Variants in MYO1B observed in about 807,000 individuals in gnomAD.
MYO1B encodes myosin IB.
In MYO1B, 72 loss-of-function variants were observed where a neutral mutation model predicts 159.7. That is an observed-to-expected ratio of 0.45 (90% CI 0.37 to 0.55). The LOEUF (loss-of-function observed/expected upper bound fraction) is 0.55, where lower values mean the gene tolerates loss of function less well. Ranked by LOEUF, MYO1B falls within the 20% of genes least tolerant of loss-of-function variation. The probability of loss-of-function intolerance (pLI) is 0.00; values close to 1 mark genes in which losing one functional copy is unlikely to be tolerated. For synonymous variants in MYO1B, 468 were observed against 473.8 expected (o/e 0.99, Z 0.16); for missense variants, 1,062 against 1,364.8 (o/e 0.78, Z 3.50).
chr2:191,256,703 A>G (rs908195765), intron 1 of MYO1B, among the ~76,000 whole-genome samples: 7 of 152,226 alleles, frequency 4.6e-5, no homozygotes, highest in Non-Finnish European at 8.8e-5. Context: ...TACTAATAAT[A>G]TAATAAAATT....
intron 3 of MYO1B, among the ~76,000 whole-genome samples, chr2:191,298,371 T>G (rs1292782157): frequency 1.3e-5 from 2 of 152,220 alleles, no homozygotes; most frequent in Non-Finnish European, 1.5e-5. Flanking sequence ...TAAGCCCCTG[T>G]GATGAAATAC....
intron 11 of MYO1B, among the ~76,000 whole-genome samples, chr2:191,368,642 A>G (rs1192784744): frequency 2.0e-5 from 3 of 152,160 alleles, no homozygotes; most frequent in African/African-American, 4.8e-5. Context: ...TCTATAACTT[A>G]AAAGAACTCA....
At position 191,393,984 on chromosome 2, in the gene MYO1B, A is replaced by G. The variant is rs1221346949; in HGVS notation, c.2226+762A>G. 3.3e-5 allele frequency among the ~76,000 whole-genome samples: 5 copies of G among 152,204 alleles called. No individual in the cohort carries two copies. The East Asian group carries it at 5.8e-4, about 18-fold the overall frequency. On this transcript the variant is annotated intron_variant, in intron 20 of 30. Coordinates refer to ENST00000392318, the MANE Select transcript of MYO1B (RefSeq NM_001130158.3). ...TATTCTTCCTCTTTTTCAGCCATAA[A>G]GAGACTTTGCTATAGGGCTGTATAT...
At chr2:191,264,520 A>G (rs901953742) in intron 1 of MYO1B, among the ~76,000 whole-genome samples, 1 of 151,276 alleles carries the variant, frequency 6.6e-6, no homozygotes, top group Non-Finnish European at 1.5e-5. Context: ...GTGAATTTTT[A>G]AAAGTAGCCA....
At chr2:191,386,179 T>A in intron 16 of MYO1B, 95 bp downstream of exon 16, 2 of 1,150,308 alleles carry the variant, frequency 1.7e-6, no homozygotes, top group Non-Finnish European at 1.3e-6. Context: ...CCCATTAACT[T>A]GTGAGGACAA....
At chr2:191,331,996 C>G (rs1242897257) in intron 4 of MYO1B, among the ~76,000 whole-genome samples, 1 of 152,216 alleles carries the variant, frequency 6.6e-6, no homozygotes, top group African/African-American at 2.4e-5. Flanking sequence ...GAGTCTCGCT[C>G]TTATAGCCCT....
At chr2:191,360,838 C>T in intron 8 of MYO1B, 109 bp downstream of exon 8, 1 of 713,906 alleles carries the variant, frequency 1.4e-6, no homozygotes, top group East Asian at 2.6e-5. Flanking sequence ...AATTCCTGAG[C>T]TCAAGCGATT....
chr2:191,304,425 C>T (rs569294337), intron 3 of MYO1B, among the ~76,000 whole-genome samples: 12 of 152,220 alleles, frequency 7.9e-5, no homozygotes, highest in African/African-American at 2.9e-4. Flanking sequence ...ACAAAATTAG[C>T]CTGGCGTAGT....
At chr2:191,289,872 T>C (rs1024245531) in intron 2 of MYO1B, among the ~76,000 whole-genome samples, 2 of 152,236 alleles carry the variant, frequency 1.3e-5, no homozygotes, top group Non-Finnish European at 2.9e-5. Flanking sequence ...TCTGACTTTT[T>C]AGAAGAAGTT....
intron 29 of MYO1B, among the ~76,000 whole-genome samples, chr2:191,415,127 C>T (rs12619367): frequency 0.1 from 15,505 of 152,218 alleles, 1,562 homozygotes; most frequent in African/African-American, 0.25. Context: ...GTTGGTCTCA[C>T]TCACTTTATG....
chr2:191,397,798 T>TG (rs1315249246), intron 21 of MYO1B, among the ~76,000 whole-genome samples: 1 of 141,154 alleles, frequency 7.1e-6, no homozygotes, highest in Non-Finnish European at 1.6e-5. Flanking sequence ...ACCTCCCGGA[T>TG]GGGGCGTCTG....
chr2:191,328,103 C>T (rs1162501885), intron 3 of MYO1B, among the ~76,000 whole-genome samples: 6 of 152,206 alleles, frequency 3.9e-5, no homozygotes, highest in African/African-American at 1.4e-4. Context: ...ATGGGCTTCT[C>T]ATGTCATCTC....
chr2:191,407,475 G>A (rs1696994255), intron 24 of MYO1B, among the ~76,000 whole-genome samples: 1 of 152,050 alleles, frequency 6.6e-6, no homozygotes, highest in Admixed American at 6.6e-5. Flanking sequence ...TTATTTGTTA[G>A]ACATTAGTAT....
chr2:191,355,164 A>G (rs1693190250), intron 7 of MYO1B, among the ~76,000 whole-genome samples: 1 of 152,222 alleles, frequency 6.6e-6, no homozygotes, highest in Admixed American at 6.5e-5. Flanking sequence ...GGAGAGACAC[A>G]TGGAATGAAC....
At position 191,343,062 on chromosome 2, in the gene MYO1B, A is replaced by G. The variant is rs74410153; in HGVS notation, c.451+1497A>G. 6.9e-3 allele frequency among the ~76,000 whole-genome samples: 1,045 copies of G among 152,232 alleles called. 31 individuals carry two copies. In the East Asian group the frequency reaches 0.092, roughly 13 times the overall value. On this transcript the variant is annotated intron_variant, in intron 5 of 30. Coordinates refer to ENST00000392318, the MANE Select transcript of MYO1B (RefSeq NM_001130158.3). ...CATTGTAGGATGGCCTGTCCTGTGC[A>G]TCTCTGACCTCTGTTAGCTGCCAGT...
At chr2:191,313,579 T>A (rs1391565863) in intron 3 of MYO1B, among the ~76,000 whole-genome samples, 1 of 151,762 alleles carries the variant, frequency 6.6e-6, no homozygotes, top group East Asian at 1.9e-4. Flanking sequence ...AGAGACGGGC[T>A]TTCACCGTGT....
chr2:191,288,063 G>A (rs2168166), intron 2 of MYO1B, among the ~76,000 whole-genome samples: 57,641 of 151,668 alleles, frequency 0.38, 11,146 homozygotes, highest in Middle Eastern at 0.52. Flanking sequence ...AGGCTGAACA[G>A]TGTTCCATTG....
intron 4 of MYO1B, among the ~76,000 whole-genome samples, chr2:191,330,675 A>G (rs960306974): frequency 6.6e-6 from 1 of 152,182 alleles, no homozygotes; most frequent in Admixed American, 6.5e-5. Flanking sequence ...CATTCTCTGA[A>G]TTCAACCTTA....
intron 1 of MYO1B, among the ~76,000 whole-genome samples, chr2:191,249,397 A>G (rs1685978677): frequency 6.6e-6 from 1 of 152,230 alleles, no homozygotes. Context: ...CTTTCTTTAC[A>G]GTATCCTCTG....
Sources: gnomAD v4.1 joint callset for allele counts (sites outside exome capture counted in the v4.1 genomes callset) on GRCh38, gnomAD v4.1.1 for gene constraint, MANE v1.5 for transcripts, NCBI Gene and HGNC (gene_info 2026-07-23, HGNC 2026-07-21) for gene names.